The following INSIG1 variants were observed in gnomAD, a reference collection of about 807,000 sequenced individuals.
The protein encoded by INSIG1 is insulin induced gene 1, also known as insulin-induced gene 1 protein.
A neutral mutation model predicts 26.5 loss-of-function variants in INSIG1; 14 were observed. The observed-to-expected ratio is 0.53, with a 90% confidence interval of 0.35 to 0.83. The LOEUF (loss-of-function observed/expected upper bound fraction) is 0.83, where lower values mean the gene tolerates loss of function less well. INSIG1 is among the 40% of genes least tolerant of loss of function. The probability of loss-of-function intolerance (pLI) is 0.01; values close to 1 mark genes in which losing one functional copy is unlikely to be tolerated. For synonymous variants in INSIG1, 147 were observed against 153.3 expected (o/e 0.96, Z 0.30); for missense variants, 272 against 368.9 (o/e 0.74, Z 2.15).
At chr7:155,308,192 A>C (rs746025863) in intron 5 of INSIG1, 49 bp from the exon 6 acceptor site, 1 of 932,988 alleles carries the variant, frequency 1.1e-6, no homozygotes, top group Non-Finnish European at 1.7e-6. Context: ...ATATTTATAC[A>C]TTTAGTGCTA....
At chr7:155,304,374 C>G (rs1374941639) in intron 5 of INSIG1, among the ~76,000 whole-genome samples, 2 of 152,246 alleles carry the variant, frequency 1.3e-5, no homozygotes, top group Non-Finnish European at 2.9e-5. Context: ...GCAACTCCAT[C>G]ATTGCTTTCT....
At chr7:155,307,805 G>T (rs927320043) in intron 5 of INSIG1, among the ~76,000 whole-genome samples, 1 of 152,150 alleles carries the variant, frequency 6.6e-6, no homozygotes, top group Non-Finnish European at 1.5e-5. Flanking sequence ...TCAGATAAAG[G>T]TTCAATCCCT....
At chr7:155,303,905 G>T (rs1797861993) in intron 5 of INSIG1, 1 of 1,353,310 alleles carries the variant, frequency 7.4e-7, no homozygotes, top group South Asian at 1.2e-5. Context: ...GGTAGAATTT[G>T]CAGTCTTCCA....
At chr7:155,306,648 C>T (rs1480122606) in intron 5 of INSIG1, among the ~76,000 whole-genome samples, 1 of 152,220 alleles carries the variant, frequency 6.6e-6, no homozygotes, top group Non-Finnish European at 1.5e-5. Flanking sequence ...CCAGTTTAGT[C>T]CTCATAACAC....
Position 155,308,563 on chromosome 7 carries a change from TC to T in INSIG1, c.*294del. On this transcript the variant is annotated 3_prime_UTR_variant, in exon 6 of 6. Coordinates refer to ENST00000340368, the MANE Select transcript of INSIG1 (RefSeq NM_005542.6). ...CAGCTTCCCAAGTATTCGATTTCATTCATGTGATTAAAACAAGTTGCCATAT... is the reference window on the plus strand; with the variant it reads ...CAGCTTCCCAAGTATTCGATTTCATTATGTGATTAAAACAAGTTGCCATAT... 2 of 415,352 alleles carry T rather than the reference TC, an allele frequency of 4.8e-6. No individual in the cohort carries two copies. The highest frequency in any genetic ancestry group is 8.9e-6 in the Non-Finnish European group (2 of 224,634). 25.7% of individuals were successfully genotyped at this position (415,352 alleles called of 1,614,324 possible).
At position 155,302,975 on chromosome 7, in the gene INSIG1, A is replaced by T; in HGVS notation, c.804+129A>T. 1.7e-6 allele frequency: 1 copy of T among 577,224 alleles called. No homozygotes were observed. The highest frequency in any genetic ancestry group is 2.7e-5 in the East Asian group (1 of 37,246). The allele number at this position is 577,224 out of a possible 1,614,324, so 35.8% of individuals were successfully genotyped here. ...GACTTGAGTGACAACTACTGAGAAA[A>T]GCTTATATTTAAAAAAATAGGTAAT... On this transcript the variant is annotated intron_variant, in intron 5 of 5. Coordinates refer to ENST00000340368, the MANE Select transcript of INSIG1 (RefSeq NM_005542.6). The surrounding 1 kb of genome is among the most constrained non-coding windows in gnomAD (Gnocchi z 4.3).
At chr7:155,300,592 G>C (rs1054849778) in intron 2 of INSIG1, among the ~76,000 whole-genome samples, 1 of 151,950 alleles carries the variant, frequency 6.6e-6, no homozygotes, top group Admixed American at 6.6e-5. Context: ...CCAACCCCAC[G>C]GGCCGGCACC....
intron 2 of INSIG1, among the ~76,000 whole-genome samples, chr7:155,300,552 T>TG (rs1797755556): frequency 6.6e-6 from 1 of 152,188 alleles, no homozygotes; most frequent in South Asian, 2.1e-4. Context: ...TCAAGAGCCC[T>TG]GGGACACAGT....
At chr7:155,308,141 C>A in intron 5 of INSIG1, 100 bp from the exon 6 acceptor site, 3 of 648,146 alleles carry the variant, frequency 4.6e-6, no homozygotes, top group South Asian at 3.9e-5. Flanking sequence ...AAGAAAGTGT[C>A]AATCTTTCCC....
chr7:155,305,271 A>G (rs1159976650), intron 5 of INSIG1, among the ~76,000 whole-genome samples: 1 of 152,122 alleles, frequency 6.6e-6, no homozygotes, highest in Non-Finnish European at 1.5e-5. Context: ...TTATTCATAA[A>G]TACTTAAATC....
In INSIG1 at chr7:155,298,532, C is replaced by G. The variant is rs1385541141; in HGVS notation, c.247C>G (p.Arg83Gly). ...CCCCTACCCCAACACCTGGCATCATCGCCTGTTGCAGAGGAGCCTCGTGCT... is the reference window on the plus strand; with the variant it reads ...CCCCTACCCCAACACCTGGCATCATGGCCTGTTGCAGAGGAGCCTCGTGCT... ...GSPYPNTWHH[R>G]LLQRSLVLFS... Residue 83 changes from arginine (R) to glycine (G), a missense_variant, in exon 2 of 6, where the codon CGC (arginine) becomes GGC (glycine). Transcript: ENST00000340368. The G allele has an allele frequency of 1.2e-6, 2 of 1,600,726 alleles. No individual in the cohort carries two copies. Among genetic ancestry groups the G allele is most frequent in the Non-Finnish European group, 1.7e-6 (2 of 1,173,660 alleles).
intron 5 of INSIG1, chr7:155,303,076 C>G (rs1030551815): frequency 5.0e-6 from 2 of 400,290 alleles, no homozygotes; most frequent in East Asian, 4.4e-5. Flanking sequence ...AGCCCTCGCA[C>G]TGCCCCTTTG....
At position 155,297,969 on chromosome 7, in the gene INSIG1, C is replaced by G. The variant is rs1797662860; in HGVS notation, c.-28+10C>G. 8.5e-6 allele frequency: 2 copies of G among 235,856 alleles called. No homozygotes were observed. Among genetic ancestry groups the G allele is most frequent in the Non-Finnish European group, 8.1e-6 (1 of 122,982 alleles). The allele number at this position is 235,856 out of a possible 1,614,324, so 14.6% of individuals were successfully genotyped here. A position where few individuals can be genotyped will look rare whatever the true frequency, so the allele number is the denominator to read the frequency against. The stretch of plus-strand genomic sequence containing the variant: ...GGCGCCTCTCGGCCAGGTACGCGGC[C>G]GGCTGGGATAGGGGTCGCGGGCGGG... On this transcript the variant is annotated intron_variant, in intron 1 of 5. Coordinates refer to ENST00000340368, the MANE Select transcript of INSIG1 (RefSeq NM_005542.6).
Position 155,298,377 on chromosome 7 carries a change from C to A in INSIG1, c.92C>A (p.Ala31Glu). 5.2e-6 allele frequency: 8 copies of A among 1,530,470 alleles called. No individual in the cohort carries two copies. Among genetic ancestry groups the A allele is most frequent in the Non-Finnish European group, 7.0e-6 (8 of 1,144,288 alleles). The allele number at this position is 1,530,470 out of a possible 1,614,324, so 94.8% of individuals were successfully genotyped here. Reference sequence around the variant, plus strand: ...CCGCGAGCCAGCGCCGCGGGGCTGGCGGCCAAGGTTGGGGAGATGATCAAC... The same window carrying A: ...CCGCGAGCCAGCGCCGCGGGGCTGGAGGCCAAGGTTGGGGAGATGATCAAC... The part of the protein sequence containing the change: ...GPPRASAAGL[A>E]AKVGEMINVS... Residue 31 changes from alanine to glutamate, a missense_variant, in exon 2 of 6, where the codon GCG becomes GAG. Physicochemically the swap from Ala to Glu is moderately radical, Grantham distance 107. This residue lies in a region of INSIG1 where 161 missense variants were observed against 179.2 expected (regional missense o/e 0.90). Transcript: ENST00000340368.
Position 155,298,526 on chromosome 7 carries a change from C to T in INSIG1, c.241C>T (p.His81Tyr). 1 of 1,597,456 alleles carries T rather than the reference C, an allele frequency of 6.3e-7. No individual in the cohort carries two copies. Among genetic ancestry groups the T allele is most frequent in the Non-Finnish European group, 8.5e-7 (1 of 1,172,036 alleles). The change falls in exon 2 of 6, where the codon CAT (histidine) becomes TAT (tyrosine). Residue 81 changes from histidine (H) to tyrosine (Y), a missense_variant. Physicochemically the swap from His to Tyr is moderately conservative, Grantham distance 83. This residue lies in a region of INSIG1 where 161 missense variants were observed against 179.2 expected (regional missense o/e 0.90). Coordinates refer to ENST00000340368, the MANE Select transcript of INSIG1 (RefSeq NM_005542.6). ...EPGSPYPNTW[H>Y]HRLLQRSLVL... is the part of the protein sequence containing the mutation. ...CGGCAGCCCCTACCCCAACACCTGGCATCATCGCCTGTTGCAGAGGAGCCT... is the reference window on the plus strand; with the variant it reads ...CGGCAGCCCCTACCCCAACACCTGGTATCATCGCCTGTTGCAGAGGAGCCT...
chr7:155,300,007 G>A (rs191076088), intron 2 of INSIG1, among the ~76,000 whole-genome samples: 94 of 152,226 alleles, frequency 6.2e-4, no homozygotes, highest in South Asian at 3.5e-3. Context: ...TAAGTAGTGG[G>A]TAGAATGTTT....
At chr7:155,306,390 G>C (rs1797935748) in intron 5 of INSIG1, among the ~76,000 whole-genome samples, 1 of 152,216 alleles carries the variant, frequency 6.6e-6, no homozygotes, top group Non-Finnish European at 1.5e-5. Flanking sequence ...CCTTTCTCAA[G>C]AGTAAGCTGC....
At chr7:155,304,336 C>T (rs536510163) in intron 5 of INSIG1, among the ~76,000 whole-genome samples, 1 of 152,158 alleles carries the variant, frequency 6.6e-6, no homozygotes, top group Non-Finnish European at 1.5e-5. Flanking sequence ...CGCCATCATC[C>T]CCGTTAATAG....
At chr7:155,303,058 G>T (rs947190735) in intron 5 of INSIG1, 1 of 442,214 alleles carries the variant, frequency 2.3e-6, no homozygotes, top group African/African-American at 2.0e-5. Context: ...ATCTAGAAAA[G>T]GAACTAGAGC....
Sources: allele counts gnomAD v4.1 joint callset (sites outside exome capture counted in the v4.1 genomes callset), GRCh38; gene constraint gnomAD v4.1.1; regional missense constraint gnomAD v4.1.1; non-coding constraint Gnocchi (gnomAD v3.1); transcripts MANE v1.5; gene names NCBI Gene and HGNC (gene_info 2026-07-23, HGNC 2026-07-21).